KIR2DL3: variants seen among roughly 807,000 people sequenced by gnomAD.
The protein encoded by KIR2DL3 is killer cell immunoglobulin like receptor, two Ig domains and long cytoplasmic tail 3, also known as killer cell immunoglobulin-like receptor 2DL3.
KIR2DL3 carries 39 observed loss-of-function variants against 33.8 expected under a neutral mutation model. The ratio of observed to expected loss-of-function variants is 1.15; its 90% CI spans 0.89 to 1.51. KIR2DL3 has a LOEUF of 1.51. Ranked by LOEUF, KIR2DL3 falls within the 40% of genes most tolerant of loss-of-function variation. The probability of loss-of-function intolerance (pLI) is 0.00; values close to 1 mark genes in which losing one functional copy is unlikely to be tolerated. For missense variants in KIR2DL3, 462 were observed against 426.2 expected (o/e 1.08, Z -0.74); for synonymous variants, 174 against 160.2 (o/e 1.09, Z -0.65).
chr19:54,739,127 G>A (rs1363030484), intron 1 of KIR2DL3, among the ~76,000 whole-genome samples: 7 of 151,126 alleles, frequency 4.6e-5, no homozygotes, highest in South Asian at 4.2e-4. Flanking sequence ...CCTGGGTGTG[G>A]AGATATGGGA....
At chr19:54,750,120 C>T (rs1304191256) in intron 5 of KIR2DL3, among the ~76,000 whole-genome samples, 1 of 132,764 alleles carries the variant, frequency 7.5e-6, no homozygotes, top group African/African-American at 2.9e-5. Context: ...CAGCACAGAT[C>T]GTGGAATAGA....
At chr19:54,742,743 T>C (rs1337802189) in intron 3 of KIR2DL3, among the ~76,000 whole-genome samples, 2 of 151,214 alleles carry the variant, frequency 1.3e-5, no homozygotes, top group South Asian at 2.1e-4. Flanking sequence ...GCCTTCCATG[T>C]AATGGAGAGT....
At position 54,738,515 on chromosome 19, in the gene KIR2DL3, G is replaced by C; in HGVS notation, c.-31G>C. Reference sequence around the variant, plus strand: ...CCTGTGCGCTGCTGAGCTGAGCTGGGGCGCGGCCGCCTGTCTGCACAGACA... The same window carrying C: ...CCTGTGCGCTGCTGAGCTGAGCTGGCGCGCGGCCGCCTGTCTGCACAGACA... On this transcript the variant is annotated 5_prime_UTR_variant, in exon 1 of 8. Coordinates refer to ENST00000342376, the MANE Select transcript of KIR2DL3 (RefSeq NM_015868.3). The C allele has an allele frequency of 6.2e-7, 1 of 1,614,056 alleles. No homozygotes were observed. Among genetic ancestry groups the C allele is most frequent in the South Asian group, 1.1e-5 (1 of 91,088 alleles).
chr19:54,744,885 TATATATATATATACACACACAC>T (rs2072039934), intron 4 of KIR2DL3, among the ~76,000 whole-genome samples: 2 of 58,660 alleles, frequency 3.4e-5, no homozygotes, highest in South Asian at 5.9e-4. Flanking sequence ...TATATATATA[TATATATATATATACACACACAC>T]ACACATATAT....
intron 4 of KIR2DL3, among the ~76,000 whole-genome samples, chr19:54,746,487 T>C (rs1352970417): frequency 6.7e-6 from 1 of 148,340 alleles, no homozygotes; most frequent in Admixed American, 6.9e-5. Context: ...TCCTGGAGCA[T>C]TTCCCCAATA....
chr19:54,752,000 CA>C (rs1341647212), intron 6 of KIR2DL3, among the ~76,000 whole-genome samples: 1 of 134,994 alleles, frequency 7.4e-6, no homozygotes, highest in Admixed American at 7.7e-5. Context: ...GGTTCCATGA[CA>C]GGCAGAAAGT....
At position 54,752,758 on chromosome 19, in the gene KIR2DL3, C is replaced by A; in HGVS notation, c.*239C>A. ...TGCCTGCTGGAGAGAAAACACACTC[C>A]TTTGCTTAGCCCACAATTCTCCATT... On this transcript the variant is annotated 3_prime_UTR_variant, in exon 8 of 8. Coordinates refer to ENST00000342376, the MANE Select transcript of KIR2DL3 (RefSeq NM_015868.3). 1.6e-6 allele frequency: 1 copy of A among 630,110 alleles called. No homozygotes were observed. The highest frequency in any genetic ancestry group is 2.7e-6 in the Non-Finnish European group (1 of 376,984). 39.0% of individuals were successfully genotyped at this position (630,110 alleles called of 1,614,324 possible). A position where few individuals can be genotyped will look rare whatever the true frequency, so the allele number is the denominator to read the frequency against.
At chr19:54,749,872 C>A (rs1465212677) in intron 5 of KIR2DL3, among the ~76,000 whole-genome samples, 2 of 80,880 alleles carry the variant, frequency 2.5e-5, no homozygotes, top group African/African-American at 1.0e-4. Context: ...TGCACTCCAG[C>A]CTGGGGGACA....
At chr19:54,749,313 G>A (rs1307660611) in intron 5 of KIR2DL3, among the ~76,000 whole-genome samples, 1 of 147,966 alleles carries the variant, frequency 6.8e-6, no homozygotes. Flanking sequence ...AAATAAGGGA[G>A]GCTCAGTTGC....
At position 54,742,208 on chromosome 19, in the gene KIR2DL3, G is replaced by A. The variant is rs767048720; in HGVS notation, c.299G>A (p.Cys100Tyr). Residue 100 changes from cysteine to tyrosine, a missense_variant, in exon 3 of 8, where the codon TGC (cysteine) becomes TAC (tyrosine). Transcript: ENST00000342376. ...MMQDLAGTYRCYGSVTHSPYQ... is the reference protein window; with the variant it reads ...MMQDLAGTYRYYGSVTHSPYQ... ...CAAGACCTTGCAGGGACCTACAGAT[G>A]CTACGGTTCTGTTACTCACTCCCCC... is the stretch of plus-strand genomic sequence containing the variant. The A allele has an allele frequency of 8.7e-6, 14 of 1,614,174 alleles. No homozygotes were observed. The Admixed American group carries it at 1.5e-4, about 17-fold the overall frequency.
chr19:54,745,732 A>C (rs1600397639), intron 4 of KIR2DL3, among the ~76,000 whole-genome samples: 1 of 151,590 alleles, frequency 6.6e-6, no homozygotes, highest in South Asian at 2.1e-4. Context: ...CACTCCTACC[A>C]ACAGGGTATT....
intron 1 of KIR2DL3, among the ~76,000 whole-genome samples, chr19:54,739,069 G>A (rs1337378157): frequency 1.3e-5 from 2 of 150,500 alleles, no homozygotes; most frequent in African/African-American, 4.9e-5. Context: ...CCTAGAGGTG[G>A]ATATCTGGGC....
intron 5 of KIR2DL3, among the ~76,000 whole-genome samples, 155 bp downstream of exon 5, chr19:54,747,540 G>A (rs926102015): frequency 2.0e-5 from 3 of 152,054 alleles, no homozygotes; most frequent in African/African-American, 7.3e-5. Flanking sequence ...AAGGGATCTG[G>A]GCCCAACCTA....
At chr19:54,744,913 TATATAAAC>T (rs1246882504) in intron 4 of KIR2DL3, among the ~76,000 whole-genome samples, 18 of 38,568 alleles carry the variant, frequency 4.7e-4, no homozygotes, top group African/African-American at 1.4e-3. Context: ...CACACACACA[TATATAAAC>T]ATATATATAT....
At chr19:54,744,897 T>TATATATATATATATATATATATAC (rs1555906428) in intron 4 of KIR2DL3, among the ~76,000 whole-genome samples, 1 of 57,490 alleles carries the variant, frequency 1.7e-5, no homozygotes, top group African/African-American at 6.6e-5. Context: ...TATATATATA[T>TATATATATATATATATATATATAC]ACACACACAC....
rs1380638756 is a variant in KIR2DL3 at position 54,751,044 on chromosome 19, C to G, written c.716-605C>G. On this transcript the variant is annotated intron_variant, in intron 5 of 7. Coordinates refer to ENST00000342376, the MANE Select transcript of KIR2DL3 (RefSeq NM_015868.3). ...CCATTTTTGTTGCTCTAAAGGAACA[C>G]TTGAGCCTGGGTAACTTCTAGAGAA... is the stretch of plus-strand genomic sequence containing the variant. Among the ~76,000 whole-genome samples, 3 of 133,448 alleles carry G rather than the reference C, an allele frequency of 2.2e-5. 1 individual carries two copies. Among genetic ancestry groups the G allele is most frequent in the Non-Finnish European group, 4.9e-5 (3 of 60,940 alleles). 87.5% of individuals were successfully genotyped at this position (133,448 alleles called of 152,430 possible).
intron 2 of KIR2DL3, among the ~76,000 whole-genome samples, chr19:54,740,652 G>C (rs751600056): frequency 6.6e-6 from 1 of 151,824 alleles, no homozygotes; most frequent in Non-Finnish European, 1.5e-5. Flanking sequence ...GGCCCTGACT[G>C]TATTTGTGGT....
At chr19:54,749,306 T>C (rs1461965896) in intron 5 of KIR2DL3, among the ~76,000 whole-genome samples, 1 of 147,824 alleles carries the variant, frequency 6.8e-6, no homozygotes, top group African/African-American at 2.5e-5. Context: ...GACATGAAAA[T>C]AAGGGAGGCT....
chr19:54,744,318 C>G (rs558619006), intron 4 of KIR2DL3, among the ~76,000 whole-genome samples: 1 of 151,974 alleles, frequency 6.6e-6, no homozygotes, highest in South Asian at 2.1e-4. Flanking sequence ...ATGGAGAAAA[C>G]GGTCAGGAGA....
Sources: gnomAD v4.1 joint callset for allele counts (sites outside exome capture counted in the v4.1 genomes callset) on GRCh38, gnomAD v4.1.1 for gene constraint, MANE v1.5 for transcripts, NCBI Gene and HGNC (gene_info 2026-07-23, HGNC 2026-07-21) for gene names.